The following UBE2D3 variants were observed in gnomAD, a reference collection of about 807,000 sequenced individuals.
UBE2D3 encodes the protein ubiquitin conjugating enzyme E2 D3.
UBE2D3 carries 2 observed loss-of-function variants against 22.8 expected under a neutral mutation model. The observed-to-expected ratio is 0.09, with a 90% CI of 0.04 to 0.28. The LOEUF is 0.28. Among genes scored for constraint, UBE2D3 ranks in the 10% least tolerant of loss-of-function variants. The pLI is 1.00. For synonymous variants in UBE2D3, 56 were observed against 60.4 expected (o/e 0.93, Z 0.34); for missense variants, 27 against 182.5 (o/e 0.15, Z 4.91).
chr4:102,829,854 G>A (rs1282286206), upstream of UBE2D3, among the ~76,000 whole-genome samples: 1 of 152,116 alleles, frequency 6.6e-6, no homozygotes, highest in Non-Finnish European at 1.5e-5. Context: ...CCGGAGAATC[G>A]CTTGAGCCTG....
intron 1 of UBE2D3, among the ~76,000 whole-genome samples, chr4:102,841,381 C>A (rs561928981): frequency 7.2e-5 from 11 of 152,098 alleles, no homozygotes; most frequent in Admixed American, 2.6e-4. Context: ...TTAAATAAAT[C>A]ACTATTTTTT....
At chr4:102,827,992 G>A (rs931275481), upstream of UBE2D3, 2 of 985,470 alleles carry the variant, frequency 2.0e-6, no homozygotes, top group Middle Eastern at 1.0e-3. Flanking sequence ...CTGGCTAACC[G>A]AAGCGGTAGC....
At chr4:102,847,990 GAATT>G (rs1001619568) in intron 1 of UBE2D3, among the ~76,000 whole-genome samples, 4 of 152,014 alleles carry the variant, frequency 2.6e-5, no homozygotes, top group African/African-American at 9.7e-5. Flanking sequence ...AAGCATGTGG[GAATT>G]ATTTATAGCC....
chr4:102,862,613 T>G (rs1732953747), intron 1 of UBE2D3, among the ~76,000 whole-genome samples: 1 of 152,248 alleles, frequency 6.6e-6, no homozygotes, highest in Non-Finnish European at 1.5e-5. Flanking sequence ...GCGTAGATTG[T>G]GTATTTTTTA....
At chr4:102,802,280 C>G (rs1176138667) in intron 5 of UBE2D3, 2 of 253,102 alleles carry the variant, frequency 7.9e-6, no homozygotes, top group Admixed American at 5.4e-5. Flanking sequence ...ACAACAAAAG[C>G]CCAAAAATCA....
chr4:102,796,103 T>C lies in UBE2D3; in HGVS notation c.*1312A>G, dbSNP rs947098082. ...ATGGATACTCAATATCCCACATAGATAAGTCACTTCAACACAGCCTCATGA... is the reference window on the plus strand; with the variant it reads ...ATGGATACTCAATATCCCACATAGACAAGTCACTTCAACACAGCCTCATGA... On this transcript the variant is annotated 3_prime_UTR_variant, in exon 8 of 8. Coordinates refer to ENST00000453744, the MANE Select transcript of UBE2D3 (RefSeq NM_181891.3). 4 of 152,436 alleles carry C rather than the reference T, an allele frequency of 2.6e-5. No individual in the cohort carries two copies. The highest frequency in any genetic ancestry group is 9.7e-5 in the African/African-American group (4 of 41,436). The allele number at this position is 152,436 out of a possible 1,614,324, so 9.4% of individuals were successfully genotyped here.
chr4:102,827,606 G>T (rs927725348), upstream of UBE2D3: 5 of 986,762 alleles, frequency 5.1e-6, no homozygotes, highest in Non-Finnish European at 6.0e-6. Context: ...TCACCGCCGC[G>T]GATCAGTCCG....
At chr4:102,865,447 G>A (rs1484691903) in intron 1 of UBE2D3, among the ~76,000 whole-genome samples, 4 of 148,324 alleles carry the variant, frequency 2.7e-5, no homozygotes, top group Non-Finnish European at 4.4e-5. Flanking sequence ...AGCTGAGATC[G>A]CGCCATTGCA....
At chr4:102,844,347 G>T (rs1027091321) in intron 1 of UBE2D3, among the ~76,000 whole-genome samples, 1 of 152,102 alleles carries the variant, frequency 6.6e-6, no homozygotes, top group Non-Finnish European at 1.5e-5. Context: ...CTAAGTGCTG[G>T]GGTTACAGGC....
At chr4:102,808,512 T>C (rs1727425554) in intron 4 of UBE2D3, among the ~76,000 whole-genome samples, 1 of 152,170 alleles carries the variant, frequency 6.6e-6, no homozygotes, top group South Asian at 2.1e-4. Context: ...ACCCCTGCCA[T>C]GTCTTACTTT....
At chr4:102,827,308 C>G in intron 1 of UBE2D3, 119 bp downstream of exon 1, 1 of 950,880 alleles carries the variant, frequency 1.1e-6, no homozygotes, top group Non-Finnish European at 1.3e-6. Flanking sequence ...CCCACCCTAA[C>G]CCACCGCACC....
intron 2 of UBE2D3, among the ~76,000 whole-genome samples, chr4:102,818,752 A>ATT (rs68101761): frequency 1.3e-4 from 19 of 148,528 alleles, no homozygotes; most frequent in South Asian, 2.1e-4. Flanking sequence ...TTTGGTCACT[A>ATT]TTTTTTTTTT....
intron 1 of UBE2D3, among the ~76,000 whole-genome samples, chr4:102,851,631 A>T (rs930266032): frequency 7.3e-5 from 11 of 151,498 alleles, no homozygotes; most frequent in African/African-American, 2.7e-4. Flanking sequence ...TCTTCCTTTA[A>T]TATTAGAACC....
At chr4:102,822,199 AAAG>A (rs1268323086) in intron 2 of UBE2D3, among the ~76,000 whole-genome samples, 4 of 152,350 alleles carry the variant, frequency 2.6e-5, no homozygotes, top group African/African-American at 9.6e-5. Context: ...GAGCATGATG[AAAG>A]AAAAGTATGC....
chr4:102,808,239 A>G (rs1035468824), intron 4 of UBE2D3, among the ~76,000 whole-genome samples: 5 of 152,196 alleles, frequency 3.3e-5, no homozygotes, highest in Admixed American at 3.3e-4. Context: ...TGCTTATGGA[A>G]TGTGGGCCTA....
At chr4:102,862,641 A>G (rs1021679038) in intron 1 of UBE2D3, among the ~76,000 whole-genome samples, 2 of 152,220 alleles carry the variant, frequency 1.3e-5, no homozygotes, top group African/African-American at 2.4e-5. Context: ...TAGGTTTGAA[A>G]ATGAGTTTAT....
chr4:102,801,401 G>A, intron 6 of UBE2D3, 53 bp downstream of exon 6: 1 of 1,454,820 alleles, frequency 6.9e-7, no homozygotes, highest in Non-Finnish European at 9.5e-7. Flanking sequence ...GTAGATCTAA[G>A]AATGAAGCTT....
At chr4:102,835,374 A>C (rs931672527) in intron 1 of UBE2D3, among the ~76,000 whole-genome samples, 6 of 152,224 alleles carry the variant, frequency 3.9e-5, no homozygotes, top group Admixed American at 3.9e-4. Context: ...ATTTTATATC[A>C]TGGATTTAAG....
At chr4:102,823,369 T>C (rs1298782356) in intron 2 of UBE2D3, among the ~76,000 whole-genome samples, 1 of 152,180 alleles carries the variant, frequency 6.6e-6, no homozygotes, top group East Asian at 1.9e-4. Context: ...ATTATCTCAG[T>C]GGAAGTGGTG....
Sources: allele counts gnomAD v4.1 joint callset (sites outside exome capture counted in the v4.1 genomes callset), GRCh38; gene constraint gnomAD v4.1.1; transcripts MANE v1.5; gene names NCBI Gene and HGNC (gene_info 2026-07-23, HGNC 2026-07-21).